Variants in ENTREP2 observed in about 807,000 individuals in gnomAD.
ENTREP2 encodes protein ENTREP2.
the ENTREP2 span, among the ~76,000 whole-genome samples, chr15:29,403,826 T>C: frequency 6.6e-6 from 1 of 152,144 alleles, no homozygotes; most frequent in Non-Finnish European, 1.5e-5. Flanking sequence ...AGAGCCCAGT[T>C]GTACCCTGAA....
At chr15:29,165,408 GT>G in the ENTREP2 span, among the ~76,000 whole-genome samples, 1 of 152,022 alleles carries the variant, frequency 6.6e-6, no homozygotes, top group Non-Finnish European at 1.5e-5. Context: ...CTTTGAAAAG[GT>G]AAGTAAAACT....
chr15:29,637,289 C>G, the ENTREP2 span, among the ~76,000 whole-genome samples: 4 of 152,136 alleles, frequency 2.6e-5, no homozygotes, highest in Non-Finnish European at 5.9e-5. Context: ...TAGGGGGTGG[C>G]AATGACCACT....
At chr15:29,425,013 AG>A in the ENTREP2 span, among the ~76,000 whole-genome samples, 1 of 151,848 alleles carries the variant, frequency 6.6e-6, no homozygotes, top group Non-Finnish European at 1.5e-5. Context: ...TTTTATGACT[AG>A]TTTTTGTTGT....
At chr15:29,552,396 G>A in the ENTREP2 span, among the ~76,000 whole-genome samples, 5 of 152,070 alleles carry the variant, frequency 3.3e-5, no homozygotes, top group East Asian at 1.9e-4. Flanking sequence ...ACTCTAAACC[G>A]TCCAAAGCAC....
At chr15:29,556,572 G>A in the ENTREP2 span, among the ~76,000 whole-genome samples, 5 of 152,118 alleles carry the variant, frequency 3.3e-5, no homozygotes, top group Non-Finnish European at 7.4e-5. Context: ...GTTTTGCCAA[G>A]AATAATAAAA....
At chr15:29,524,000 C>T in the ENTREP2 span, among the ~76,000 whole-genome samples, 1 of 151,596 alleles carries the variant, frequency 6.6e-6, no homozygotes, top group East Asian at 1.9e-4. Context: ...GCTATGATAC[C>T]AGAAGAACAA....
chr15:29,320,002 CAG>C, the ENTREP2 span, among the ~76,000 whole-genome samples: 1 of 152,146 alleles, frequency 6.6e-6, no homozygotes, highest in South Asian at 2.1e-4. Context: ...GACAAATGAA[CAG>C]AACCTTCTCC....
chr15:29,490,045 T>G, the ENTREP2 span, among the ~76,000 whole-genome samples: 1 of 152,196 alleles, frequency 6.6e-6, no homozygotes, highest in Non-Finnish European at 1.5e-5. Flanking sequence ...GAAAATGAAT[T>G]ATATAGTCAA....
At chr15:29,466,894 G>A in the ENTREP2 span, among the ~76,000 whole-genome samples, 2 of 131,100 alleles carry the variant, frequency 1.5e-5, no homozygotes, top group Non-Finnish European at 3.3e-5. Context: ...GGGCCCAGGG[G>A]AAGATGCTGC....
the ENTREP2 span, among the ~76,000 whole-genome samples, chr15:29,635,125 G>A: frequency 2.0e-5 from 3 of 152,072 alleles, no homozygotes; most frequent in African/African-American, 4.8e-5. Flanking sequence ...TTACAGGCAT[G>A]AGCCACCGCA....
At chr15:29,403,164 T>C in the ENTREP2 span, among the ~76,000 whole-genome samples, 113,519 of 152,128 alleles carry the variant, frequency 0.75, 43,343 homozygotes, top group African/African-American at 0.91. Flanking sequence ...AGAAAGTGGT[T>C]AGCCAGGTGG....
chr15:29,579,766 A>G, the ENTREP2 span, among the ~76,000 whole-genome samples: 2 of 131,588 alleles, frequency 1.5e-5, no homozygotes, highest in Admixed American at 9.2e-5. Context: ...GCTGGAGTGC[A>G]GTGGCGCGAT....
chr15:29,128,740 C>T, the ENTREP2 span: 2 of 1,378,926 alleles, frequency 1.5e-6, no homozygotes, highest in South Asian at 2.5e-5. Flanking sequence ...AAGAGACACC[C>T]TTGAAAACAG....
the ENTREP2 span, among the ~76,000 whole-genome samples, chr15:29,491,584 T>C: frequency 2.0e-5 from 3 of 152,116 alleles, no homozygotes; most frequent in African/African-American, 4.8e-5. Flanking sequence ...CTTGGATAAA[T>C]GGAAGGGCAA....
the ENTREP2 span, among the ~76,000 whole-genome samples, chr15:29,305,696 G>A: frequency 6.6e-6 from 1 of 152,254 alleles, no homozygotes; most frequent in East Asian, 1.9e-4. Flanking sequence ...AACAGACTTG[G>A]GAGTGGAATC....
At chr15:29,192,948 A>G in the ENTREP2 span, among the ~76,000 whole-genome samples, 1 of 152,252 alleles carries the variant, frequency 6.6e-6, no homozygotes, top group Non-Finnish European at 1.5e-5. Flanking sequence ...AACCACTCTC[A>G]GCAAACTAGG....
chr15:29,336,794 C>T, the ENTREP2 span, among the ~76,000 whole-genome samples: 25 of 152,276 alleles, frequency 1.6e-4, no homozygotes, highest in South Asian at 4.6e-3. Context: ...CAGCTGGCTC[C>T]TGGTAGGGCA....
At chr15:29,340,585 T>C in the ENTREP2 span, among the ~76,000 whole-genome samples, 1 of 152,208 alleles carries the variant, frequency 6.6e-6, no homozygotes. Context: ...ACAAGAGCTG[T>C]TCTAATAATG....
the ENTREP2 span, among the ~76,000 whole-genome samples, chr15:29,262,428 G>C: frequency 6.6e-6 from 1 of 152,184 alleles, no homozygotes; most frequent in African/African-American, 2.4e-5. Context: ...GGCCTTGCTG[G>C]CTTTAGCTCG....
Sources: allele counts gnomAD v4.1 joint callset (sites outside exome capture counted in the v4.1 genomes callset), GRCh38; gene constraint gnomAD v4.1.1; transcripts MANE v1.5; gene names NCBI Gene and HGNC (gene_info 2026-07-23, HGNC 2026-07-21).